The following ADAMTSL3 variants were observed in gnomAD, a reference collection of about 807,000 sequenced individuals.
ADAMTSL3 encodes ADAMTS-like protein 3.
In ADAMTSL3, 128 loss-of-function variants were observed where a neutral mutation model predicts 201.7. The observed-to-expected ratio is 0.63, with a 90% CI of 0.55 to 0.73. The LOEUF is 0.73. Ranked by LOEUF, ADAMTSL3 falls within the 30% of genes least tolerant of loss-of-function variation. The probability of loss-of-function intolerance (pLI) is 0.00; values close to 1 mark genes in which losing one functional copy is unlikely to be tolerated. For missense variants in ADAMTSL3, 1,990 were observed against 2,119.6 expected (o/e 0.94, Z 1.20); for synonymous variants, 738 against 748.4 (o/e 0.99, Z 0.23).
At chr15:83,892,400 C>G (rs1394352856) in intron 12 of ADAMTSL3, among the ~76,000 whole-genome samples, 1 of 146,516 alleles carries the variant, frequency 6.8e-6, no homozygotes, top group African/African-American at 2.5e-5. Flanking sequence ...CGTGGTGGCG[C>G]ATGCCTGTAA....
At chr15:83,886,313 C>T (rs962856680) in intron 10 of ADAMTSL3, among the ~76,000 whole-genome samples, 3 of 152,106 alleles carry the variant, frequency 2.0e-5, no homozygotes, top group African/African-American at 7.2e-5. Flanking sequence ...CCTTAGAGTA[C>T]CAGGCAGTGG....
chr15:84,031,374 C>T lies in ADAMTSL3; in HGVS notation c.4696C>T (p.Gln1566Ter). Residue 1566 changes from glutamine (Q) to a stop codon, truncating the protein, a stop_gained, in exon 28 of 30, where the codon CAG becomes TAG. Transcript: ENST00000286744. LOFTEE classifies it high-confidence loss of function. The part of the protein sequence containing the change: ...RCMGRAVRMQ[Q>*]RHTACQHNSS... ...CATGGGCCGTGCTGTGAGGATGCAG[C>T]AGCGTCACACAGCTTGTCAACACAA... 6.2e-7 allele frequency: 1 copy of T among 1,614,042 alleles called. No individual in the cohort carries two copies. The highest frequency in any genetic ancestry group is 8.5e-7 in the Non-Finnish European group (1 of 1,180,016).
chr15:83,708,185 G>C (rs2061879876), intron 3 of ADAMTSL3, among the ~76,000 whole-genome samples: 1 of 152,186 alleles, frequency 6.6e-6, no homozygotes, highest in Admixed American at 6.5e-5. Context: ...ATGCAATTGA[G>C]GCTGCAGCCT....
intron 27 of ADAMTSL3, among the ~76,000 whole-genome samples, chr15:84,025,968 G>T (rs1408593814): frequency 6.6e-6 from 1 of 152,130 alleles, no homozygotes; most frequent in African/African-American, 2.4e-5. Context: ...ATGAATATAT[G>T]CACGTAATAC....
At chr15:83,844,298 A>G (rs767052058) in intron 7 of ADAMTSL3, among the ~76,000 whole-genome samples, 4 of 152,228 alleles carry the variant, frequency 2.6e-5, no homozygotes, top group Non-Finnish European at 5.9e-5. Context: ...ATCCTGGGCT[A>G]GGTGGATCAT....
intron 4 of ADAMTSL3, among the ~76,000 whole-genome samples, chr15:83,803,880 C>T (rs1000615797): frequency 2.6e-5 from 4 of 152,180 alleles, no homozygotes; most frequent in South Asian, 2.1e-4. Context: ...CAGTAGCTCA[C>T]GCCTGTAATC....
intron 19 of ADAMTSL3, among the ~76,000 whole-genome samples, chr15:83,953,887 T>A (rs935441103): frequency 3.3e-5 from 5 of 152,234 alleles, no homozygotes; most frequent in Non-Finnish European, 4.4e-5. Context: ...AGGTTTCCAC[T>A]GAAAAGTCTG....
At chr15:83,768,443 G>T (rs1175136607) in intron 3 of ADAMTSL3, among the ~76,000 whole-genome samples, 1 of 152,146 alleles carries the variant, frequency 6.6e-6, no homozygotes, top group Non-Finnish European at 1.5e-5. Context: ...AAGAAACCTG[G>T]ATCATAGGTG....
At chr15:83,813,623 G>A (rs2063730056) in intron 5 of ADAMTSL3, among the ~76,000 whole-genome samples, 1 of 152,144 alleles carries the variant, frequency 6.6e-6, no homozygotes, top group African/African-American at 2.4e-5. Flanking sequence ...TTCAGACTTT[G>A]GTTCAGTGGC....
chr15:83,686,590 C>T (rs1196352623), intron 2 of ADAMTSL3, among the ~76,000 whole-genome samples: 1 of 152,080 alleles, frequency 6.6e-6, no homozygotes, highest in Non-Finnish European at 1.5e-5. Context: ...AGGTTGGTGG[C>T]AGAGCTAATA....
chr15:83,983,440 A>C (rs1246589854), intron 21 of ADAMTSL3, 96 bp downstream of exon 21: 1 of 927,134 alleles, frequency 1.1e-6, no homozygotes. Context: ...TCTCCTAAGC[A>C]TGTGTTTCCA....
chr15:83,978,033 C>T (rs1206101131), intron 20 of ADAMTSL3, among the ~76,000 whole-genome samples: 2 of 152,214 alleles, frequency 1.3e-5, no homozygotes, highest in East Asian at 3.9e-4. Flanking sequence ...GCCCAGCAGC[C>T]ATATTCAGGG....
intron 19 of ADAMTSL3, among the ~76,000 whole-genome samples, chr15:83,950,134 T>A (rs921754034): frequency 6.6e-6 from 1 of 152,160 alleles, no homozygotes. Flanking sequence ...AGTTTCTTAG[T>A]TGAGGTCTTA....
At chr15:83,708,746 C>T (rs769699016) in intron 3 of ADAMTSL3, among the ~76,000 whole-genome samples, 13 of 152,214 alleles carry the variant, frequency 8.5e-5, no homozygotes, top group East Asian at 7.7e-4. Context: ...GAATATTCCA[C>T]GTTGCAGAGT....
rs1336479432 is a variant in ADAMTSL3, at chr15:83,982,264, T to G, written c.2645-9T>G. ...TATTTTCTTTTCTTTCTTTTTTTTT[T>G]TCTTGGAGAAATCAAATCAGAGATG... On this transcript the variant is annotated splice_polypyrimidine_tract_variant and intron_variant, in intron 20 of 29. Transcript: ENST00000286744. 1.3e-6 allele frequency: 2 copies of G among 1,556,906 alleles called. No individual in the cohort carries two copies. The highest frequency in any genetic ancestry group is 1.4e-5 in the African/African-American group (1 of 72,076).
chr15:83,903,781 G>A (rs1390727932), intron 15 of ADAMTSL3, among the ~76,000 whole-genome samples: 1 of 150,908 alleles, frequency 6.6e-6, no homozygotes, highest in South Asian at 2.1e-4. Flanking sequence ...AGCCGGGTGT[G>A]GTGGTACATG....
chr15:83,813,643 G>A (rs1472996960), intron 5 of ADAMTSL3, among the ~76,000 whole-genome samples: 1 of 152,162 alleles, frequency 6.6e-6, no homozygotes, highest in Non-Finnish European at 1.5e-5. Context: ...CTCTCCTCAG[G>A]TTCACTCTGT....
At chr15:84,000,920 G>A (rs1329719366) in intron 23 of ADAMTSL3, among the ~76,000 whole-genome samples, 1 of 152,170 alleles carries the variant, frequency 6.6e-6, no homozygotes, top group Admixed American at 6.5e-5. Flanking sequence ...TTAATGTCAT[G>A]CTGAAACCGA....
intron 3 of ADAMTSL3, among the ~76,000 whole-genome samples, chr15:83,736,767 C>T (rs1718935522): frequency 6.6e-6 from 1 of 152,142 alleles, no homozygotes; most frequent in Non-Finnish European, 1.5e-5. Flanking sequence ...TAGCCAGAGA[C>T]CTCTAGGAGA....
Sources: gnomAD v4.1 joint callset for allele counts (sites outside exome capture counted in the v4.1 genomes callset) on GRCh38, gnomAD v4.1.1 for gene constraint, MANE v1.5 for transcripts, NCBI Gene and HGNC (gene_info 2026-07-23, HGNC 2026-07-21) for gene names.